The following UNC13C variants were observed in gnomAD, a reference collection of about 807,000 sequenced individuals.
The protein encoded by UNC13C is protein unc-13 homolog C.
In UNC13C, 174 loss-of-function variants were observed where a neutral mutation model predicts 245.4. That is an observed-to-expected ratio of 0.71 (90% confidence interval 0.63 to 0.80). The LOEUF is 0.80. Among genes scored for constraint, UNC13C ranks in the 30% least tolerant of loss-of-function variants. The pLI is 0.00. For missense variants in UNC13C, 2,829 were observed against 2,602.9 expected, an observed-to-expected ratio of 1.09 and a Z score of -1.89; for synonymous variants, 992 against 895.1, an observed-to-expected ratio of 1.11 and a Z score of -1.93.
chr15:54,234,390 C>A (rs2035633461), intron 4 of UNC13C, among the ~76,000 whole-genome samples: 1 of 152,034 alleles, frequency 6.6e-6, no homozygotes, highest in Non-Finnish European at 1.5e-5. Flanking sequence ...TTCATTTAAT[C>A]AATATGCTAT....
chr15:54,598,255 G>C (rs1355505361), intron 30 of UNC13C, among the ~76,000 whole-genome samples: 6 of 152,114 alleles, frequency 3.9e-5, no homozygotes, highest in African/African-American at 1.2e-4. Context: ...ACCACACCCG[G>C]CTAATTTTTG....
intron 2 of UNC13C, among the ~76,000 whole-genome samples, chr15:54,038,043 T>A (rs148751588): frequency 1.2e-3 from 170 of 146,256 alleles, no homozygotes; most frequent in African/African-American, 4.2e-3. Context: ...AAAAATAGAT[T>A]CTCTTATGCT....
At chr15:53,857,099 A>G in the UNC13C span, among the ~76,000 whole-genome samples, 2 of 151,956 alleles carry the variant, frequency 1.3e-5, no homozygotes, top group African/African-American at 2.4e-5. Flanking sequence ...CCCGGCCCCA[A>G]TCTGGCTATT....
At chr15:53,859,237 G>C in the UNC13C span, among the ~76,000 whole-genome samples, 1 of 152,060 alleles carries the variant, frequency 6.6e-6, no homozygotes. Context: ...ATAATGTTTT[G>C]TGATAGAAAT....
chr15:53,980,169 T>G (rs1487265427), intron 1 of UNC13C, among the ~76,000 whole-genome samples: 2 of 152,188 alleles, frequency 1.3e-5, no homozygotes, highest in African/African-American at 4.8e-5. Flanking sequence ...ATCACCACCC[T>G]GCTCTTTGAA....
the UNC13C span, among the ~76,000 whole-genome samples, chr15:53,857,585 T>G: frequency 6.6e-6 from 1 of 152,334 alleles, no homozygotes; most frequent in East Asian, 1.9e-4. Context: ...ATTGCAGATC[T>G]ATTGAGCAGA....
At chr15:54,308,505 A>G (rs1423574125) in intron 13 of UNC13C, among the ~76,000 whole-genome samples, 1 of 151,860 alleles carries the variant, frequency 6.6e-6, no homozygotes, top group Non-Finnish European at 1.5e-5. Context: ...TATTTGTGTC[A>G]TGAGTACACT....
intron 19 of UNC13C, among the ~76,000 whole-genome samples, chr15:54,454,507 G>A (rs1891362233): frequency 6.6e-6 from 1 of 151,866 alleles, no homozygotes; most frequent in Admixed American, 6.6e-5. Context: ...GAACCCGGGA[G>A]GTGGAGGTTG....
At chr15:54,430,778 G>A (rs1416003924) in intron 19 of UNC13C, among the ~76,000 whole-genome samples, 1 of 151,706 alleles carries the variant, frequency 6.6e-6, no homozygotes, top group Non-Finnish European at 1.5e-5. Context: ...ACTAGAATGA[G>A]CTTTCTGGGA....
In UNC13C at chr15:54,421,640, C is replaced by T. The variant is rs571280704; in HGVS notation, c.4933+6573C>T. Among the ~76,000 whole-genome samples the T allele has an allele frequency of 3.9e-5, 6 of 152,152 alleles. No individual in the cohort carries two copies. In the South Asian group the frequency reaches 1.2e-3, roughly 32 times the overall value. On this transcript the variant is annotated intron_variant, in intron 19 of 32. Coordinates refer to ENST00000260323, the MANE Select transcript of UNC13C (RefSeq NM_001080534.3). ...AGTTGAGAACCACTGCTCTAGAAAA[C>T]CGCTGTGTGGAAGCAGGTGATTTAA...
At chr15:54,326,865 G>T (rs966562011) in intron 14 of UNC13C, among the ~76,000 whole-genome samples, 1 of 152,006 alleles carries the variant, frequency 6.6e-6, no homozygotes, top group Non-Finnish European at 1.5e-5. Flanking sequence ...TAAATTTTCA[G>T]GAATATTGCA....
At chr15:54,450,252 C>G (rs192469113) in intron 19 of UNC13C, among the ~76,000 whole-genome samples, 3 of 152,238 alleles carry the variant, frequency 2.0e-5, no homozygotes, top group Admixed American at 6.5e-5. Flanking sequence ...TGTCCGTTCT[C>G]AGATCTCAAA....
rs1453784336 is a variant in UNC13C, at chr15:54,628,298, A to AAAAC, written c.*1187_*1190dup. The stretch of plus-strand genomic sequence containing the variant: ...AGTCTATGCCAAAATATATGGCTGT[A>AAAAC]AAACAGTACTTTGTAATTATAACTT... On this transcript the variant is annotated 3_prime_UTR_variant, in exon 33 of 33. Coordinates refer to ENST00000260323, the MANE Select transcript of UNC13C (RefSeq NM_001080534.3). 1 of 152,324 alleles carries AAAAC rather than the reference A, an allele frequency of 6.6e-6. No individual in the cohort carries two copies. Among genetic ancestry groups the AAAAC allele is most frequent in the Non-Finnish European group, 1.5e-5 (1 of 68,022 alleles). 9.4% of individuals were successfully genotyped at this position (152,324 alleles called of 1,614,324 possible). A position where few individuals can be genotyped will look rare whatever the true frequency, so the allele number is the denominator to read the frequency against.
intron 2 of UNC13C, among the ~76,000 whole-genome samples, chr15:54,046,756 C>T (rs1282608374): frequency 6.6e-6 from 1 of 151,460 alleles, no homozygotes; most frequent in Non-Finnish European, 1.5e-5. Flanking sequence ...AATATATAAA[C>T]AGTACAACTT....
the UNC13C span, among the ~76,000 whole-genome samples, chr15:53,890,077 T>C: frequency 8.5e-5 from 13 of 152,216 alleles, no homozygotes; most frequent in African/African-American, 3.1e-4. Flanking sequence ...TAAAATGAGT[T>C]AGGGAGGATT....
intron 7 of UNC13C, among the ~76,000 whole-genome samples, chr15:54,239,052 A>G (rs975921382): frequency 5.9e-5 from 9 of 152,258 alleles, no homozygotes; most frequent in African/African-American, 1.9e-4. Context: ...TTTACTTGAG[A>G]CAGTTTATCT....
intron 1 of UNC13C, among the ~76,000 whole-genome samples, chr15:54,005,604 A>G (rs1023430181): frequency 2.6e-5 from 4 of 152,244 alleles, no homozygotes; most frequent in African/African-American, 9.6e-5. Flanking sequence ...TAAACAGCTT[A>G]GAAGAATAAT....
the UNC13C span, among the ~76,000 whole-genome samples, chr15:53,852,692 A>C: frequency 6.6e-6 from 1 of 152,148 alleles, no homozygotes; most frequent in African/African-American, 2.4e-5. Context: ...AAAGTTTACC[A>C]TATCGTGTCC....
the UNC13C span, among the ~76,000 whole-genome samples, chr15:53,843,179 C>G: frequency 6.6e-6 from 1 of 152,066 alleles, no homozygotes. Flanking sequence ...TGGCTTAGGC[C>G]TGTGATCCCA....
Sources: allele counts gnomAD v4.1 joint callset (sites outside exome capture counted in the v4.1 genomes callset), GRCh38; gene constraint gnomAD v4.1.1; transcripts MANE v1.5; gene names NCBI Gene and HGNC (gene_info 2026-07-23, HGNC 2026-07-21).